The following IL15 variants were observed in gnomAD, a reference collection of about 807,000 sequenced individuals.
The protein encoded by IL15 is interleukin-15.
In IL15, 11 loss-of-function variants were observed where a neutral mutation model predicts 19.6. That is an observed-to-expected ratio of 0.56 (90% CI 0.35 to 0.93). The LOEUF (loss-of-function observed/expected upper bound fraction) is 0.93, where lower values mean the gene tolerates loss of function less well. IL15 is among the 40% of genes least tolerant of loss of function. The probability of loss-of-function intolerance (pLI) is 0.01; values close to 1 mark genes in which losing one functional copy is unlikely to be tolerated. For missense variants in IL15, 197 were observed against 186.5 expected (o/e 1.06, Z -0.33); for synonymous variants, 58 against 59.6 (o/e 0.97, Z 0.12).
chr4:141,717,851 G>C (rs1293222462), intron 2 of IL15: 2 of 151,936 alleles, frequency 1.3e-5, no homozygotes, highest in African/African-American at 4.8e-5. Context: ...TGTAAAGACG[G>C]GGTTTCACCA....
chr4:141,699,479 A>G (rs1729211722), intron 2 of IL15, among the ~76,000 whole-genome samples: 1 of 152,082 alleles, frequency 6.6e-6, no homozygotes, highest in African/African-American at 2.4e-5. Context: ...TCTTAGGTTT[A>G]GTAGGTATTG....
chr4:141,706,019 A>T lies in IL15; in HGVS notation c.-99-13347A>T, dbSNP rs191254352. Among the ~76,000 whole-genome samples the T allele has an allele frequency of 9.2e-5, 14 of 151,996 alleles. No homozygotes were observed. In the East Asian group the frequency reaches 2.7e-3, roughly 29 times the overall value. On this transcript the variant is annotated intron_variant, in intron 2 of 7. Coordinates refer to ENST00000320650, the MANE Select transcript of IL15 (RefSeq NM_000585.5). ...TTAAAAATTCATTCAGCCACTCTCT[A>T]TCTTTTAACTGGAGAATTTAGTCCA...
In IL15 at chr4:141,674,262, C is replaced by A. The variant is rs998851877; in HGVS notation, c.-100+17955C>A. Among the ~76,000 whole-genome samples, 3 of 152,112 alleles carry A rather than the reference C, an allele frequency of 2.0e-5. No homozygotes were observed. The East Asian group carries it at 5.8e-4, about 29-fold the overall frequency. ...TGCAAATACAGATCACCAGACAGAA[C>A]CTTCTGTGTGCTTTGTGGAGTCATT... On this transcript the variant is annotated intron_variant, in intron 2 of 7. Transcript: ENST00000320650.
At chr4:141,699,379 T>C (rs2152180940) in intron 2 of IL15, among the ~76,000 whole-genome samples, 1 of 152,326 alleles carries the variant, frequency 6.6e-6, no homozygotes, top group South Asian at 2.1e-4. Context: ...CCATTATTTC[T>C]TTGTTGACTT....
chr4:141,670,872 C>T (rs1236101893), intron 2 of IL15, among the ~76,000 whole-genome samples: 2 of 152,132 alleles, frequency 1.3e-5, no homozygotes, highest in East Asian at 1.9e-4. Context: ...AGGAATATAA[C>T]ATATCTAAGT....
chr4:141,720,421 C>T (rs1246502412), intron 3 of IL15, 48 bp from the exon 4 acceptor site: 2 of 989,724 alleles, frequency 2.0e-6, no homozygotes, highest in African/African-American at 1.6e-5. Context: ...TTAAACCTCA[C>T]TTTTTAACTA....
chr4:141,718,813 G>T (rs1433647099), intron 2 of IL15: 1 of 152,060 alleles, frequency 6.6e-6, no homozygotes. Flanking sequence ...GTATATTTTG[G>T]TTATAAACTG....
At chr4:141,722,854 T>A in intron 5 of IL15, among the ~76,000 whole-genome samples, 1 of 152,154 alleles carries the variant, frequency 6.6e-6, no homozygotes, top group South Asian at 2.1e-4. Flanking sequence ...ATATAGAAAT[T>A]ATATAACTGA....
intron 2 of IL15, among the ~76,000 whole-genome samples, chr4:141,711,158 C>T (rs1008216000): frequency 2.6e-4 from 39 of 152,148 alleles, no homozygotes; most frequent in African/African-American, 8.7e-4. Flanking sequence ...ATTTTATTAT[C>T]TTAAAATTGT....
intron 5 of IL15, among the ~76,000 whole-genome samples, chr4:141,722,290 C>T (rs1207490260): frequency 6.6e-6 from 1 of 152,092 alleles, no homozygotes; most frequent in Non-Finnish European, 1.5e-5. Context: ...TTGGTGGCAC[C>T]TGCAGGGAGA....
chr4:141,643,438 C>T (rs760300617), intron 1 of IL15, among the ~76,000 whole-genome samples: 1 of 152,188 alleles, frequency 6.6e-6, no homozygotes, highest in African/African-American at 2.4e-5. Context: ...GTCATCTCCA[C>T]TGCTCCACTA....
chr4:141,709,119 A>G (rs1729627690), intron 2 of IL15, among the ~76,000 whole-genome samples: 1 of 150,554 alleles, frequency 6.6e-6, no homozygotes, highest in African/African-American at 2.4e-5. Flanking sequence ...TGAAATTTTC[A>G]GAATTCAATA....
chr4:141,715,659 A>G (rs187050573), intron 2 of IL15: 1 of 152,320 alleles, frequency 6.6e-6, no homozygotes, highest in East Asian at 1.9e-4. Flanking sequence ...TGAATCAAGG[A>G]AAGTGATGTT....
At chr4:141,641,529 A>G (rs556570224) in intron 1 of IL15, among the ~76,000 whole-genome samples, 16 of 152,122 alleles carry the variant, frequency 1.1e-4, no homozygotes, top group Non-Finnish European at 2.4e-4. Flanking sequence ...GGATGAGTTC[A>G]TGTCCTTTGT....
intron 2 of IL15, among the ~76,000 whole-genome samples, chr4:141,677,974 T>G (rs1424262931): frequency 6.6e-6 from 1 of 152,178 alleles, no homozygotes; most frequent in Non-Finnish European, 1.5e-5. Flanking sequence ...AGCCTGGGTT[T>G]GGTTGAACTC....
intron 2 of IL15, among the ~76,000 whole-genome samples, chr4:141,676,759 AT>A (rs2152170348): frequency 6.6e-6 from 1 of 151,186 alleles, no homozygotes; most frequent in African/African-American, 2.4e-5. Context: ...TATGGATGAG[AT>A]TGTAGGTATG....
chr4:141,715,739 C>G (rs991833773), intron 2 of IL15: 1 of 152,092 alleles, frequency 6.6e-6, no homozygotes. Context: ...ATGGATGATG[C>G]ATTTAACCCA....
At position 141,674,559 on chromosome 4, in the gene IL15, CTGAG is replaced by C. The variant is rs142422358; in HGVS notation, c.-100+18256_-100+18259del. 0.02 allele frequency among the ~76,000 whole-genome samples: 2,983 copies of C among 151,482 alleles called. 292 individuals are homozygous for C. In the East Asian group the frequency reaches 0.31, roughly 16 times the overall value. ...CAAGATCACGCCACTGCACTCCAGC[CTGAG>C]TGACAGAGAAGACTTCACCTCAAAA... On this transcript the variant is annotated intron_variant, in intron 2 of 7. Coordinates refer to ENST00000320650, the MANE Select transcript of IL15 (RefSeq NM_000585.5).
At chr4:141,659,909 A>T (rs1307548296) in intron 2 of IL15, among the ~76,000 whole-genome samples, 1 of 151,810 alleles carries the variant, frequency 6.6e-6, no homozygotes, top group Non-Finnish European at 1.5e-5. Flanking sequence ...TTGTTGGGAT[A>T]CTTAAAAACA....
Sources: gnomAD v4.1 joint callset for allele counts (sites outside exome capture counted in the v4.1 genomes callset) on GRCh38, gnomAD v4.1.1 for gene constraint, MANE v1.5 for transcripts, NCBI Gene and HGNC (gene_info 2026-07-23, HGNC 2026-07-21) for gene names.